The following NRXN1 variants were observed in gnomAD, a reference collection of about 807,000 sequenced individuals.
NRXN1 encodes the protein neurexin-1.
A neutral mutation model predicts 150.9 loss-of-function variants in NRXN1; 39 were observed. The ratio of observed to expected loss-of-function variants is 0.26; its 90% CI spans 0.20 to 0.34. NRXN1 has a LOEUF of 0.34. Among genes scored for constraint, NRXN1 ranks in the 10% least tolerant of loss-of-function variants. The probability of loss-of-function intolerance (pLI) is 1.00; values close to 1 mark genes in which losing one functional copy is unlikely to be tolerated. For missense variants in NRXN1, 1,815 were observed against 1,949.9 expected, an observed-to-expected ratio of 0.93 and a Z score of 1.30; for synonymous variants, 924 against 757.0, an observed-to-expected ratio of 1.22 and a Z score of -3.62.
At chr2:50,921,194 G>T (rs1363417765) in intron 5 of NRXN1, among the ~76,000 whole-genome samples, 1 of 151,684 alleles carries the variant, frequency 6.6e-6, no homozygotes. Flanking sequence ...ACACAATGAG[G>T]ATGGTTTTAA....
intron 12 of NRXN1, among the ~76,000 whole-genome samples, chr2:50,521,791 A>G (rs1181265706): frequency 2.0e-5 from 3 of 152,150 alleles, no homozygotes; most frequent in Non-Finnish European, 4.4e-5. Flanking sequence ...AGGAGAGTGT[A>G]TCATGTGGCC....
At chr2:50,707,328 T>C (rs1694577111) in intron 5 of NRXN1, among the ~76,000 whole-genome samples, 1 of 152,170 alleles carries the variant, frequency 6.6e-6, no homozygotes, top group Non-Finnish European at 1.5e-5. Context: ...AAAATTGCTT[T>C]TGGGAGAGTC....
At chr2:49,967,996 A>G (rs1218221018) in intron 21 of NRXN1, among the ~76,000 whole-genome samples, 5 of 152,076 alleles carry the variant, frequency 3.3e-5, no homozygotes, top group Non-Finnish European at 7.4e-5. Context: ...TACTGAGAAA[A>G]TAATACTATT....
At chr2:50,760,601 A>T (rs937032174) in intron 5 of NRXN1, among the ~76,000 whole-genome samples, 8 of 151,722 alleles carry the variant, frequency 5.3e-5, no homozygotes, top group Non-Finnish European at 1.5e-5. Context: ...CACTCTAACC[A>T]CACCTTCTCT....
At chr2:50,620,957 C>T (rs1252609529) in intron 7 of NRXN1, 2 of 405,394 alleles carry the variant, frequency 4.9e-6, no homozygotes, top group East Asian at 3.8e-5. Flanking sequence ...TGTCTTATCC[C>T]GTGTTAACCA....
At chr2:50,850,064 GA>G (rs901269469) in intron 5 of NRXN1, among the ~76,000 whole-genome samples, 18 of 149,672 alleles carry the variant, frequency 1.2e-4, no homozygotes, top group East Asian at 5.9e-4. Flanking sequence ...AAAAATTAAA[GA>G]AAAAAAAATA....
At chr2:50,659,983 A>G (rs72837007) in intron 5 of NRXN1, among the ~76,000 whole-genome samples, 13,833 of 151,978 alleles carry the variant, frequency 0.091, 699 homozygotes, top group Middle Eastern at 0.13. Flanking sequence ...TTCCAAGAGG[A>G]CTGGCCTTTT....
intron 5 of NRXN1, among the ~76,000 whole-genome samples, chr2:50,856,002 A>G (rs1427786569): frequency 6.6e-6 from 1 of 151,328 alleles, no homozygotes; most frequent in Non-Finnish European, 1.5e-5. Flanking sequence ...ATCATATGCA[A>G]TGAGCAACAG....
chr2:50,165,723 A>G (rs2059640496), intron 18 of NRXN1, among the ~76,000 whole-genome samples: 1 of 152,174 alleles, frequency 6.6e-6, no homozygotes, highest in South Asian at 2.1e-4. Flanking sequence ...AATGTGCTCT[A>G]CCTCACAGGG....
intron 8 of NRXN1, among the ~76,000 whole-genome samples, chr2:50,559,017 C>A (rs1668661592): frequency 2.0e-5 from 3 of 152,018 alleles, no homozygotes. Context: ...GGGAGGCAGA[C>A]CTTGCAGTGA....
At chr2:50,543,743 T>C (rs1573478410) in intron 9 of NRXN1, among the ~76,000 whole-genome samples, 1 of 152,132 alleles carries the variant, frequency 6.6e-6, no homozygotes, top group African/African-American at 2.4e-5. Context: ...CTATTTTTAT[T>C]GTCTGTTCTA....
chr2:50,824,764 G>A (rs1156665753), intron 5 of NRXN1, among the ~76,000 whole-genome samples: 3 of 152,116 alleles, frequency 2.0e-5, no homozygotes, highest in Non-Finnish European at 4.4e-5. Flanking sequence ...ACCAGCCTAG[G>A]AGCATGGATA....
intron 21 of NRXN1, among the ~76,000 whole-genome samples, chr2:49,952,776 C>T (rs1442939109): frequency 6.6e-6 from 1 of 152,102 alleles, no homozygotes; most frequent in Non-Finnish European, 1.5e-5. Context: ...CAAGGTCTCT[C>T]TCTTACTAAC....
intron 18 of NRXN1, among the ~76,000 whole-genome samples, chr2:50,128,344 A>G (rs1177789974): frequency 6.6e-5 from 10 of 152,228 alleles, no homozygotes; most frequent in African/African-American, 2.4e-4. Flanking sequence ...ATAGTATTAT[A>G]TGCTCCGATG....
intron 22 of NRXN1, chr2:49,926,163 T>C (rs185037142): frequency 1.3e-4 from 53 of 392,636 alleles, no homozygotes; most frequent in Non-Finnish European, 2.1e-4. Context: ...AGCAAGGAAA[T>C]AGAGCAGTAC....
chr2:50,296,881 CTTTT>C (rs4032054), intron 17 of NRXN1, among the ~76,000 whole-genome samples: 51 of 112,924 alleles, frequency 4.5e-4, no homozygotes, highest in East Asian at 7.7e-4. Flanking sequence ...TTCTTTCTTT[CTTTT>C]TTTTTTTTTT....
At chr2:50,924,513 A>G (rs1686569356) in intron 3 of NRXN1, among the ~76,000 whole-genome samples, 1 of 151,728 alleles carries the variant, frequency 6.6e-6, no homozygotes, top group Non-Finnish European at 1.5e-5. Flanking sequence ...AAGGAAATGC[A>G]AAAGAAGTTG....
chr2:50,487,789 C>G (rs765427119), intron 15 of NRXN1, among the ~76,000 whole-genome samples: 7 of 152,134 alleles, frequency 4.6e-5, no homozygotes, highest in Non-Finnish European at 8.8e-5. Flanking sequence ...GTAACATTGC[C>G]CAGATGTCAG....
intron 15 of NRXN1, among the ~76,000 whole-genome samples, chr2:50,495,299 G>C (rs189755716): frequency 6.9e-4 from 105 of 151,992 alleles, no homozygotes; most frequent in Admixed American, 1.2e-3. Flanking sequence ...ATAAGGAAGA[G>C]AAGCGTATGT....
Sources: allele counts gnomAD v4.1 joint callset (sites outside exome capture counted in the v4.1 genomes callset), GRCh38; gene constraint gnomAD v4.1.1; transcripts MANE v1.5; gene names NCBI Gene and HGNC (gene_info 2026-07-23, HGNC 2026-07-21).